Variants in PTPRS observed in about 807,000 individuals in gnomAD.
PTPRS encodes the protein receptor-type tyrosine-protein phosphatase S.
Under a neutral mutation model 215.3 loss-of-function variants are expected in PTPRS, and 63 were observed. The ratio of observed to expected loss-of-function variants is 0.29; its 90% CI spans 0.24 to 0.36. The LOEUF (loss-of-function observed/expected upper bound fraction) is 0.36. Among genes scored for constraint, PTPRS ranks in the 10% least tolerant of loss-of-function variants. The pLI is 1.00. For missense variants in PTPRS, 2,258 were observed against 2,825.8 expected, an observed-to-expected ratio of 0.80 and a Z score of 4.56; for synonymous variants, 1,404 against 1,191.4, an observed-to-expected ratio of 1.18 and a Z score of -3.68.
At chr19:5,268,903 AG>A (rs1189919872) in intron 4 of PTPRS, among the ~76,000 whole-genome samples, 1 of 152,198 alleles carries the variant, frequency 6.6e-6, no homozygotes, top group Non-Finnish European at 1.5e-5. Flanking sequence ...GGGGCCCTGA[AG>A]GGGGCATGGC....
chr19:5,210,591 TCTC>T lies in PTPRS; in HGVS notation c.5362_5364del (p.Glu1788del). ...TCGGCCGGCCAGTACTGGTGACACT[TCTC>T]CTGTGGAGGAGATGGCGGCCGTGGT... is the stretch of plus-strand genomic sequence containing the variant. On this transcript the variant is annotated inframe_deletion and splice_region_variant, in exon 35 of 38. Coordinates refer to ENST00000262963, the MANE Select transcript of PTPRS (RefSeq NM_002850.4). This position sits in a 1 kb window ranked among gnomAD's most constrained non-coding sequence, Gnocchi z 4.5. The T allele has an allele frequency of 1.2e-6, 2 of 1,614,152 alleles. No individual in the cohort carries two copies. The highest frequency in any genetic ancestry group is 1.7e-5 in the Admixed American group (1 of 60,028).
chr19:5,261,584 C>T (rs546291563), intron 6 of PTPRS, among the ~76,000 whole-genome samples: 3 of 152,282 alleles, frequency 2.0e-5, no homozygotes, highest in East Asian at 3.9e-4. Context: ...CTTGATAACT[C>T]GGCTGGCTGG....
intron 37 of PTPRS, 63 bp downstream of exon 37, chr19:5,207,859 C>A: frequency 6.3e-7 from 1 of 1,587,132 alleles, no homozygotes; most frequent in Non-Finnish European, 8.6e-7. Flanking sequence ...GAGGAGGAAA[C>A]TGGAGCTTAG....
Position 5,305,477 on chromosome 19 carries a change from G to A in PTPRS, c.-94-19243C>T, listed in dbSNP as rs193236583. ...CAGGAGGATCACTTGAGCCTTGGAG[G>A]TCGAGGCTGCAGTGAGCTATAATAG... On this transcript the variant is annotated intron_variant, in intron 1 of 37. Coordinates refer to ENST00000262963, the MANE Select transcript of PTPRS (RefSeq NM_002850.4). 6.2e-3 allele frequency among the ~76,000 whole-genome samples: 936 copies of A among 152,164 alleles called. 4 individuals are homozygous for A. Among genetic ancestry groups the A allele is most frequent in the Non-Finnish European group, 0.011 (727 of 68,004 alleles).
chr19:5,205,994 C>T lies in PTPRS; in HGVS notation c.*780G>A, dbSNP rs1258288462. Among the ~76,000 whole-genome samples, 1 of 138,268 alleles carries T rather than the reference C, an allele frequency of 7.2e-6. No individual in the cohort carries two copies. Among genetic ancestry groups the T allele is most frequent in the Non-Finnish European group, 1.6e-5 (1 of 64,058 alleles). 90.7% of individuals were successfully genotyped at this position (138,268 alleles called of 152,430 possible). On this transcript the variant is annotated 3_prime_UTR_variant, in exon 38 of 38. Transcript: ENST00000262963. ...AAACAAAAAGGGGGAAAAAAAAAGC[C>T]AAGAAAGAAAAAAGGACATCCCATT...
chr19:5,312,096 G>A (rs967736706), intron 1 of PTPRS, among the ~76,000 whole-genome samples: 2 of 152,052 alleles, frequency 1.3e-5, no homozygotes, highest in Non-Finnish European at 2.9e-5. Context: ...CTGGTTGTGC[G>A]TGAGGCCTGT....
intron 7 of PTPRS, among the ~76,000 whole-genome samples, chr19:5,258,369 T>C (rs927539947): frequency 6.6e-6 from 1 of 152,078 alleles, no homozygotes; most frequent in African/African-American, 2.4e-5. Flanking sequence ...CCACTCACAG[T>C]GGAAAAGCAG....
intron 1 of PTPRS, among the ~76,000 whole-genome samples, chr19:5,335,825 C>G (rs747374894): frequency 7.2e-5 from 11 of 152,040 alleles, no homozygotes; most frequent in Non-Finnish European, 1.6e-4. Context: ...AACAGGAAGC[C>G]GCACAGAAAC....
At chr19:5,223,322 A>G (rs750273173) in intron 17 of PTPRS, 25 bp from the exon 18 acceptor site, 56 of 1,438,746 alleles carry the variant, frequency 3.9e-5, no homozygotes, top group Middle Eastern at 2.3e-4. Flanking sequence ...GGCAGGTGTC[A>G]GGGTCCCAGC....
intron 6 of PTPRS, among the ~76,000 whole-genome samples, chr19:5,261,793 A>C (rs2046013773): frequency 6.6e-6 from 1 of 152,194 alleles, no homozygotes; most frequent in Non-Finnish European, 1.5e-5. Context: ...TTCTGGCCTG[A>C]ACTTTTCGGA....
chr19:5,214,843 C>T, intron 28 of PTPRS, 107 bp from the exon 29 acceptor site: 2 of 1,175,442 alleles, frequency 1.7e-6, no homozygotes, highest in African/African-American at 3.1e-5. Flanking sequence ...CCCAGATTGT[C>T]CCCAAGGTGA....
At chr19:5,336,196 A>G (rs2050493565) in intron 1 of PTPRS, among the ~76,000 whole-genome samples, 1 of 137,000 alleles carries the variant, frequency 7.3e-6, no homozygotes, top group African/African-American at 2.7e-5. Flanking sequence ...ACAAGACAGA[A>G]ATGGTACGTC....
At chr19:5,254,914 T>C (rs1476338833) in intron 9 of PTPRS, among the ~76,000 whole-genome samples, 2 of 152,222 alleles carry the variant, frequency 1.3e-5, no homozygotes, top group East Asian at 3.8e-4. Flanking sequence ...GAGTGCCAAT[T>C]ACACACCGAG....
chr19:5,282,763 C>T (rs2047969804), intron 2 of PTPRS, among the ~76,000 whole-genome samples: 1 of 150,164 alleles, frequency 6.7e-6, no homozygotes. Context: ...GAGATCGAGC[C>T]TGGGCAACAG....
chr19:5,322,794 G>A (rs973685279), intron 1 of PTPRS, among the ~76,000 whole-genome samples: 1 of 144,520 alleles, frequency 6.9e-6, no homozygotes, highest in Non-Finnish European at 1.5e-5. Flanking sequence ...CAGGAGAATC[G>A]CTTGAACCCG....
Position 5,214,740 on chromosome 19 carries a change from CAGCCAGGGCGAGA to C in PTPRS, c.4319-17_4319-5del. 1 of 1,594,548 alleles carries C rather than the reference CAGCCAGGGCGAGA, an allele frequency of 6.3e-7. No homozygotes were observed. The highest frequency in any genetic ancestry group is 1.3e-5 in the African/African-American group (1 of 74,786). On this transcript the variant is annotated splice_polypyrimidine_tract_variant and splice_region_variant and intron_variant, in intron 28 of 37. Transcript: ENST00000262963. ...ATGTAATCACTGCCCATGATGCCTG[CAGCCAGGGCGAGA>C]GGCCAGGGATCTGTGGGGGCTGTCT...
intron 1 of PTPRS, among the ~76,000 whole-genome samples, chr19:5,318,481 G>A (rs1388837452): frequency 6.6e-6 from 1 of 152,178 alleles, no homozygotes; most frequent in Non-Finnish European, 1.5e-5. Flanking sequence ...ACCCTGGGCA[G>A]GTGACTCGAC....
At chr19:5,306,298 C>A (rs998126403) in intron 1 of PTPRS, among the ~76,000 whole-genome samples, 33 of 152,028 alleles carry the variant, frequency 2.2e-4, no homozygotes, top group Non-Finnish European at 2.9e-5. Flanking sequence ...GCGTGCGCCA[C>A]CACGCCTGGC....
At chr19:5,334,097 C>A (rs1462364396) in intron 1 of PTPRS, among the ~76,000 whole-genome samples, 1 of 152,202 alleles carries the variant, frequency 6.6e-6, no homozygotes, top group Non-Finnish European at 1.5e-5. Flanking sequence ...CATCCAGGCC[C>A]CCTGTGGTTC....
Sources: allele counts gnomAD v4.1 joint callset (sites outside exome capture counted in the v4.1 genomes callset), GRCh38; gene constraint gnomAD v4.1.1; non-coding constraint Gnocchi (gnomAD v3.1); transcripts MANE v1.5; gene names NCBI Gene and HGNC (gene_info 2026-07-23, HGNC 2026-07-21).